The following XPC variants were observed in gnomAD, a reference collection of about 807,000 sequenced individuals.
XPC encodes the protein XPC complex subunit, DNA damage recognition and repair factor.
Under a neutral mutation model 95.8 loss-of-function variants are expected in XPC, and 76 were observed. The observed-to-expected ratio is 0.79, with a 90% CI of 0.66 to 0.96. The LOEUF (loss-of-function observed/expected upper bound fraction) is 0.96, where lower values mean the gene tolerates loss of function less well. Ranked by LOEUF, XPC falls within the 40% of genes least tolerant of loss-of-function variation. The probability of loss-of-function intolerance (pLI) is 0.00; values close to 1 mark genes in which losing one functional copy is unlikely to be tolerated. For missense variants in XPC, 1,146 were observed against 1,179.8 expected, an observed-to-expected ratio of 0.97 and a Z score of 0.42; for synonymous variants, 442 against 442.1, an observed-to-expected ratio of 1.00 and a Z score of 0.00.
intron 1 of XPC, 133 bp downstream of exon 1, chr3:14,178,333 G>C (rs1696924224): frequency 9.5e-7 from 1 of 1,053,132 alleles, no homozygotes; most frequent in East Asian, 3.0e-5. Context: ...GCAGCCTGCC[G>C]GGCTGCCCCC....
intron 15 of XPC, 27 bp downstream of exon 15, chr3:14,147,263 T>G (rs887777436): frequency 1.9e-6 from 3 of 1,593,024 alleles, no homozygotes; most frequent in Non-Finnish European, 1.7e-6. Context: ...CCTGAGCTTG[T>G]CTTCTCTGCA....
At position 14,145,408 on chromosome 3, in the gene XPC, C is replaced by G; in HGVS notation, c.*533G>C. Reference sequence around the variant, plus strand: ...CTGTACTTCTCTGCTCTCTCCCCTACTGCAAAGAGGCAGTGAGGGCAGCAT... The same window carrying G: ...CTGTACTTCTCTGCTCTCTCCCCTAGTGCAAAGAGGCAGTGAGGGCAGCAT... On this transcript the variant is annotated 3_prime_UTR_variant, in exon 16 of 16. Transcript: ENST00000285021. 1 of 698,850 alleles carries G rather than the reference C, an allele frequency of 1.4e-6. No homozygotes were observed. The highest frequency in any genetic ancestry group is 2.6e-6 in the Non-Finnish European group (1 of 383,716). The allele number at this position is 698,850 out of a possible 1,614,324, so 43.3% of individuals were successfully genotyped here. A position where few individuals can be genotyped will look rare whatever the true frequency, so the allele number is the denominator to read the frequency against.
At chr3:14,168,433 T>C in intron 3 of XPC, 53 bp from the exon 4 acceptor site, 1 of 1,599,932 alleles carries the variant, frequency 6.3e-7, no homozygotes. Context: ...TAATAATAGC[T>C]ACTGTACTGA....
At chr3:14,164,586 A>T in intron 7 of XPC, 1 of 463,694 alleles carries the variant, frequency 2.2e-6, no homozygotes, top group Non-Finnish European at 3.7e-6. Context: ...GAAAGCATAC[A>T]GGCCCTCCAC....
At chr3:14,168,420 C>T in intron 3 of XPC, 40 bp from the exon 4 acceptor site, 1 of 1,609,456 alleles carries the variant, frequency 6.2e-7, no homozygotes, top group Non-Finnish European at 8.5e-7. Flanking sequence ...ATAGTAATAA[C>T]AATAATAATA....
intron 1 of XPC, 92 bp from the exon 2 acceptor site, chr3:14,173,154 C>A: frequency 7.8e-7 from 1 of 1,285,100 alleles, no homozygotes; most frequent in Non-Finnish European, 1.0e-6. Context: ...GCTCTATGAC[C>A]TGTCTCCAAA....
intron 2 of XPC, among the ~76,000 whole-genome samples, chr3:14,170,784 A>T (rs908988844): frequency 2.0e-5 from 3 of 152,230 alleles, no homozygotes; most frequent in Non-Finnish European, 4.4e-5. Flanking sequence ...TAAAAAACCT[A>T]CAATCTAGAT....
intron 4 of XPC, 164 bp from the exon 5 acceptor site, chr3:14,167,417 G>T (rs1474401510): frequency 6.7e-6 from 4 of 598,938 alleles, no homozygotes. Context: ...ATTTCCTGCA[G>T]GCTCTTTGGC....
intron 13 of XPC, 140 bp downstream of exon 13, chr3:14,148,421 TG>T: frequency 8.4e-7 from 1 of 1,184,238 alleles, no homozygotes; most frequent in Non-Finnish European, 1.2e-6. Flanking sequence ...GCACTGACTT[TG>T]CAAATCCAGT....
At chr3:14,152,237 G>T in intron 11 of XPC, 98 bp downstream of exon 11, 1 of 1,009,164 alleles carries the variant, frequency 9.9e-7, no homozygotes, top group South Asian at 1.5e-5. Flanking sequence ...TCCTGGGCAG[G>T]ACTGGGAGGC....
At chr3:14,155,970 T>A (rs1307890615) in intron 10 of XPC, among the ~76,000 whole-genome samples, 1 of 152,204 alleles carries the variant, frequency 6.6e-6, no homozygotes, top group Non-Finnish European at 1.5e-5. Context: ...CAGGGCTCTG[T>A]ACCCATGAAA....
At chr3:14,147,226 T>C (rs1695475095) in intron 15 of XPC, 64 bp downstream of exon 15, 1 of 1,524,996 alleles carries the variant, frequency 6.6e-7, no homozygotes, top group Non-Finnish European at 8.9e-7. Flanking sequence ...GCCAGGCCTT[T>C]CTGAGCTGCA....
chr3:14,147,443 G>C (rs2125007412), intron 14 of XPC, 64 bp from the exon 15 acceptor site: 1 of 1,453,026 alleles, frequency 6.9e-7, no homozygotes. Flanking sequence ...AAAATATTAA[G>C]ATGGAAACTG....
At position 14,158,878 on chromosome 3, in the gene XPC, G is replaced by C. The variant is rs770636819; in HGVS notation, c.1005C>G (p.Ser335=). 7 of 1,613,870 alleles carry C rather than the reference G, an allele frequency of 4.3e-6. No homozygotes were observed. The highest frequency in any genetic ancestry group is 5.1e-6 in the Non-Finnish European group (6 of 1,179,872). ...KSATAKGKKP[S]KERLTADPGG... ...CTGGATCCGCAGTCAATCTTTCCTT[G>C]GAAGGTTTCTTTCCCTTAAACAGAA... The change falls in exon 9 of 16, where the codon TCC becomes TCG. Residue 335 remains serine, a synonymous_variant. Coordinates refer to ENST00000285021, the MANE Select transcript of XPC (RefSeq NM_004628.5). This position sits in a 1 kb window ranked among gnomAD's most constrained non-coding sequence, Gnocchi z 5.2.
chr3:14,170,431 G>A lies in XPC; in HGVS notation c.412+7C>T, dbSNP rs1484168380. On this transcript the variant is annotated splice_region_variant and intron_variant, in intron 3 of 15. Coordinates refer to ENST00000285021, the MANE Select transcript of XPC (RefSeq NM_004628.5). The stretch of plus-strand genomic sequence containing the variant: ...AACAGTTCTGAAAACAAAGAAAGAT[G>A]TTTCACCTTCAACCTCTTCCCAATC... 3 of 1,612,012 alleles carry A rather than the reference G, an allele frequency of 1.9e-6. No individual in the cohort carries two copies. In the African/African-American group the frequency reaches 4.0e-5, roughly 22 times the overall value.
At position 14,145,628 on chromosome 3, in the gene XPC, A is replaced by G; in HGVS notation, c.*313T>C. 1.4e-6 allele frequency: 1 copy of G among 699,434 alleles called. No homozygotes were observed. The highest frequency in any genetic ancestry group is 2.7e-5 in the East Asian group (1 of 37,284). 43.3% of individuals were successfully genotyped at this position (699,434 alleles called of 1,614,324 possible). On this transcript the variant is annotated 3_prime_UTR_variant, in exon 16 of 16. Coordinates refer to ENST00000285021, the MANE Select transcript of XPC (RefSeq NM_004628.5). ...AACTGATGTTTCTAAAGATGGAAAG[A>G]ACAGGTCTAGGAGGCAGAAGAGTAT... is the stretch of plus-strand genomic sequence containing the variant.
At position 14,148,023 on chromosome 3, in the gene XPC, T is replaced by G. The variant is rs1264131729; in HGVS notation, c.2421-22A>C. On this transcript the variant is annotated intron_variant, in intron 13 of 15. Coordinates refer to ENST00000285021, the MANE Select transcript of XPC (RefSeq NM_004628.5). ...AGTCCTGTGGGGACACAACGCGATG[T>G]CAACCCTCGAACCTGCTGCCTGCTC... 4 of 1,549,962 alleles carry G rather than the reference T, an allele frequency of 2.6e-6. No homozygotes were observed. In the African/African-American group the frequency reaches 5.4e-5, roughly 21 times the overall value.
Position 14,145,897 on chromosome 3 carries a change from G to A in XPC, c.*44C>T, listed in dbSNP as rs2125004175. The stretch of plus-strand genomic sequence containing the variant: ...CCAGGGCAGGTGTGGGGCCTGTAGT[G>A]GGGCAGCAGCAACTGGTGGGTGCCC... On this transcript the variant is annotated 3_prime_UTR_variant, in exon 16 of 16. Coordinates refer to ENST00000285021, the MANE Select transcript of XPC (RefSeq NM_004628.5). The A allele has an allele frequency of 6.3e-7, 1 of 1,580,368 alleles. No homozygotes were observed. The highest frequency in any genetic ancestry group is 2.3e-5 in the East Asian group (1 of 44,380).
chr3:14,150,466 TCAC>T (rs938230550), intron 11 of XPC, among the ~76,000 whole-genome samples: 9 of 152,230 alleles, frequency 5.9e-5, no homozygotes, highest in Non-Finnish European at 1.0e-4. Flanking sequence ...ACCCTCTCTG[TCAC>T]CACTTCAGGG....
Sources: gnomAD v4.1 joint callset for allele counts (sites outside exome capture counted in the v4.1 genomes callset) on GRCh38, gnomAD v4.1.1 for gene constraint, Gnocchi (gnomAD v3.1) non-coding constraint, MANE v1.5 for transcripts, NCBI Gene and HGNC (gene_info 2026-07-23, HGNC 2026-07-21) for gene names.